Variants in SVIL observed in about 807,000 individuals in gnomAD.
SVIL encodes the protein supervillin.
In SVIL, 101 loss-of-function variants were observed where a neutral mutation model predicts 240.4. The ratio of observed to expected loss-of-function variants is 0.42; its 90% CI spans 0.36 to 0.50. SVIL has a LOEUF of 0.50. Ranked by LOEUF, SVIL falls within the 20% of genes least tolerant of loss-of-function variation. The pLI is 0.01. For missense variants in SVIL, 2,512 were observed against 2,818.7 expected (o/e 0.89, Z 2.46); for synonymous variants, 999 against 1,100.0 (o/e 0.91, Z 1.82).
chr10:29,707,808 T>C (rs1189114300), intron 1 of SVIL, among the ~76,000 whole-genome samples: 1 of 152,188 alleles, frequency 6.6e-6, no homozygotes, highest in Non-Finnish European at 1.5e-5. Flanking sequence ...ATTTCATTTA[T>C]ACTCTTATGA....
intron 23 of SVIL, 130 bp from the exon 24 acceptor site, chr10:29,487,429 G>A: frequency 4.0e-6 from 4 of 1,007,660 alleles, no homozygotes; most frequent in Non-Finnish European, 5.6e-6. Context: ...GAGTGCCCAT[G>A]GCCCAGGGTG....
At chr10:29,594,468 A>G (rs565489212) in intron 1 of SVIL, among the ~76,000 whole-genome samples, 15 of 151,342 alleles carry the variant, frequency 9.9e-5, no homozygotes, top group Non-Finnish European at 2.1e-4. Flanking sequence ...CGTATGTACC[A>G]CTCTAGTGGG....
chr10:29,644,785 C>T (rs2488688), intron 3 of SVIL, among the ~76,000 whole-genome samples: 71,628 of 151,922 alleles, frequency 0.47, 17,783 homozygotes, highest in African/African-American at 0.63. Flanking sequence ...CTTGACAGCA[C>T]GAGTGGGAAC....
intron 24 of SVIL, among the ~76,000 whole-genome samples, chr10:29,486,780 A>T (rs1947441462): frequency 6.6e-6 from 1 of 152,216 alleles, no homozygotes; most frequent in Non-Finnish European, 1.5e-5. Flanking sequence ...TCCATCTTCA[A>T]TAGGTCACAT....
At chr10:29,586,927 A>G (rs1564674517) in intron 1 of SVIL, among the ~76,000 whole-genome samples, 1 of 152,168 alleles carries the variant, frequency 6.6e-6, no homozygotes, top group Non-Finnish European at 1.5e-5. Flanking sequence ...AGATTATGAA[A>G]AATAACTAAT....
intron 16 of SVIL, among the ~76,000 whole-genome samples, chr10:29,516,923 TATTA>T (rs1398008584): frequency 3.9e-5 from 6 of 152,188 alleles, no homozygotes; most frequent in African/African-American, 1.4e-4. Flanking sequence ...GTGCCCCTAA[TATTA>T]AATAAGATGT....
intron 17 of SVIL, among the ~76,000 whole-genome samples, chr10:29,503,964 G>A (rs1949085645): frequency 6.6e-6 from 1 of 152,200 alleles, no homozygotes; most frequent in Admixed American, 6.5e-5. Context: ...TAAAGCCTCG[G>A]CAATCAAGAT....
intron 27 of SVIL, among the ~76,000 whole-genome samples, chr10:29,482,506 TCTA>T (rs764260301): frequency 2.7e-4 from 41 of 152,330 alleles, no homozygotes; most frequent in Non-Finnish European, 4.7e-4. Context: ...TCCTCAATTC[TCTA>T]CTATTTTATG....
intron 8 of SVIL, 98 bp downstream of exon 8, chr10:29,532,431 T>C: frequency 6.7e-7 from 1 of 1,484,474 alleles, no homozygotes; most frequent in African/African-American, 1.4e-5. Flanking sequence ...GCTAAGCTAA[T>C]ATGATTCAAT....
At chr10:29,475,681 A>G (rs890206718) in intron 29 of SVIL, among the ~76,000 whole-genome samples, 9 of 152,276 alleles carry the variant, frequency 5.9e-5, no homozygotes, top group African/African-American at 2.2e-4. Flanking sequence ...AGGCTGAGTG[A>G]GGCCAGTAGA....
rs776367725 is a variant in SVIL at position 29,523,602 on chromosome 10, C to T, written c.3012G>A (p.Ala1004=). The T allele has an allele frequency of 1.2e-5, 19 of 1,614,062 alleles. No individual in the cohort carries two copies. The highest frequency in any genetic ancestry group is 2.7e-5 in the African/African-American group (2 of 74,922). Residue 1004 remains alanine (A), a synonymous_variant, in exon 15 of 38, where the codon GCG becomes GCA. Coordinates refer to ENST00000355867, the MANE Select transcript of SVIL (RefSeq NM_021738.3). Reference sequence around the variant, plus strand: ...CCCCGAGGTGGGTGATGGGAGGGTTCGCCCGTTCCAGGCTTCCTCTTCTGG... The same window carrying T: ...CCCCGAGGTGGGTGATGGGAGGGTTTGCCCGTTCCAGGCTTCCTCTTCTGG... ...AVPRRGSLER[A]NPPITHLGDE...
intron 2 of SVIL, among the ~76,000 whole-genome samples, chr10:29,673,198 G>A (rs1959923582): frequency 6.6e-6 from 1 of 152,146 alleles, no homozygotes; most frequent in African/African-American, 2.4e-5. Flanking sequence ...ACAGGCGTGA[G>A]CTACTGTGAC....
chr10:29,522,372 C>G (rs1484833354), intron 16 of SVIL, 38 bp downstream of exon 16: 3 of 1,604,788 alleles, frequency 1.9e-6, no homozygotes, highest in African/African-American at 2.7e-5. Context: ...TAAGCTCCTC[C>G]CCGAGAGAAT....
intron 3 of SVIL, among the ~76,000 whole-genome samples, chr10:29,643,420 C>T (rs1958551616): frequency 6.6e-6 from 1 of 152,156 alleles, no homozygotes; most frequent in African/African-American, 2.4e-5. Flanking sequence ...GACTTGGAAT[C>T]ATTTCCTTTT....
At chr10:29,462,798 T>A (rs1944418357) in intron 35 of SVIL, among the ~76,000 whole-genome samples, 1 of 152,196 alleles carries the variant, frequency 6.6e-6, no homozygotes, top group South Asian at 2.1e-4. Flanking sequence ...ATCTTATACA[T>A]CCACATTCAC....
chr10:29,686,639 A>T (rs567871529), exon 2 of SVIL: 1 of 152,162 alleles, frequency 6.6e-6, no homozygotes, highest in Non-Finnish European at 1.5e-5. Flanking sequence ...CCAATCTCCA[A>T]TGTAGCCAGA....
At chr10:29,486,271 T>G in intron 25 of SVIL, 41 bp from the exon 26 acceptor site, 1 of 1,607,256 alleles carries the variant, frequency 6.2e-7, no homozygotes, top group Non-Finnish European at 8.5e-7. Flanking sequence ...CATTTTACAT[T>G]GCAAAGTAGC....
intron 1 of SVIL, among the ~76,000 whole-genome samples, chr10:29,604,462 C>G (rs1449815577): frequency 6.9e-6 from 1 of 144,228 alleles, no homozygotes; most frequent in Non-Finnish European, 1.5e-5. Flanking sequence ...ACTCAAGTGA[C>G]CTGCCCACCT....
chr10:29,701,247 G>T, intron 1 of SVIL, among the ~76,000 whole-genome samples: 1 of 152,006 alleles, frequency 6.6e-6, no homozygotes, highest in East Asian at 1.9e-4. Flanking sequence ...AGCACTAGAA[G>T]AAAGATGGTC....
Sources: allele counts gnomAD v4.1 joint callset (sites outside exome capture counted in the v4.1 genomes callset), GRCh38; gene constraint gnomAD v4.1.1; transcripts MANE v1.5; gene names NCBI Gene and HGNC (gene_info 2026-07-23, HGNC 2026-07-21).